TMEM59L: variants seen among roughly 807,000 people sequenced by gnomAD.
TMEM59L encodes the protein transmembrane protein 59 like.
A neutral mutation model predicts 39.6 loss-of-function variants in TMEM59L; 31 were observed. That is an observed-to-expected ratio of 0.78 (90% CI 0.59 to 1.06). The LOEUF (loss-of-function observed/expected upper bound fraction) is 1.06. Ranked by LOEUF, TMEM59L falls within the 50% of genes least tolerant of loss-of-function variation. TMEM59L has a pLI of 0.00. For synonymous variants in TMEM59L, 219 were observed against 202.9 expected (o/e 1.08, Z -0.68); for missense variants, 441 against 451.3 (o/e 0.98, Z 0.21).
chr19:18,616,556 C>A (rs1976430236), intron 4 of TMEM59L, among the ~76,000 whole-genome samples: 1 of 152,136 alleles, frequency 6.6e-6, no homozygotes, highest in Non-Finnish European at 1.5e-5. Context: ...CCACACCCAC[C>A]TAATTTTTGT....
chr19:18,617,232 C>T (rs771201445), intron 5 of TMEM59L, 130 bp downstream of exon 5: 3 of 736,086 alleles, frequency 4.1e-6, no homozygotes, highest in South Asian at 2.9e-5. Flanking sequence ...GCTCATCCCC[C>T]AGGTCTCCAT....
At chr19:18,619,153 C>T (rs1394319621) in intron 7 of TMEM59L, among the ~76,000 whole-genome samples, 8 of 151,794 alleles carry the variant, frequency 5.3e-5, no homozygotes, top group Non-Finnish European at 1.2e-4. Context: ...CACCATGCCC[C>T]GCTAATTTTT....
At chr19:18,620,325 C>T in intron 7 of TMEM59L, 83 bp from the exon 8 acceptor site, 1 of 1,349,610 alleles carries the variant, frequency 7.4e-7, no homozygotes, top group Non-Finnish European at 1.0e-6. Flanking sequence ...ATAAAACAAT[C>T]AGAGGTGGGA....
intron 4 of TMEM59L, 109 bp downstream of exon 4, chr19:18,616,236 G>A: frequency 1.5e-6 from 2 of 1,356,840 alleles, no homozygotes; most frequent in South Asian, 2.7e-5. Context: ...CAGTGGGCGA[G>A]CTTCAGGCAC....
chr19:18,614,044 G>T lies in TMEM59L; in HGVS notation c.316+28G>T, dbSNP rs199747470. ...GAGGGCCCGCCGGCAGGGTGGGCCA[G>T]CGTGGGGAGAGGTGGCCTGGGAAGG... On this transcript the variant is annotated intron_variant, in intron 2 of 7. Coordinates refer to ENST00000262817, the MANE Select transcript of TMEM59L (RefSeq NM_012109.3). 899 of 1,613,052 alleles carry T rather than the reference G, an allele frequency of 5.6e-4. 2 individuals carry two copies. The highest frequency in any genetic ancestry group is 7.8e-4 in the South Asian group (71 of 91,078).
chr19:18,613,189 G>A (rs1252215048), intron 1 of TMEM59L, 60 bp downstream of exon 1: 12 of 1,245,924 alleles, frequency 9.6e-6, no homozygotes, highest in Non-Finnish European at 1.1e-5. Flanking sequence ...GAAGGAGGAG[G>A]CGTTGGGATG....
rs115082996 is a variant in TMEM59L at position 18,620,393 on chromosome 19, C to A, written c.901-15C>A. 1.9e-3 allele frequency: 3,003 copies of A among 1,601,946 alleles called. 57 individuals carry two copies. The African/African-American group carries it at 0.035, about 19-fold the overall frequency. ...CCCCGTCCCTCCACTTCCCTCCTCC[C>A]CTCTCTTCCTGCAGCCTCTGACCCT... On this transcript the variant is annotated splice_polypyrimidine_tract_variant and intron_variant, in intron 7 of 7. Transcript: ENST00000262817.
Position 18,613,997 on chromosome 19 carries a change from C to T in TMEM59L, c.297C>T (p.Thr99=). ...CCAGAAGCTCCAAGCCCAATGCCAC[C>T]CAAACTGAGTGTGAAGCAGGTGAGG... The part of the protein sequence containing the change: ...FVARSSKPNA[T]QTECEAACVE... The change falls in exon 2 of 8, where the codon ACC becomes ACT. Residue 99 remains threonine (T), a synonymous_variant. Coordinates refer to ENST00000262817, the MANE Select transcript of TMEM59L (RefSeq NM_012109.3). 6.2e-7 allele frequency: 1 copy of T among 1,613,410 alleles called. No homozygotes were observed. The highest frequency in any genetic ancestry group is 1.1e-5 in the South Asian group (1 of 91,088).
Position 18,618,173 on chromosome 19 carries a change from A to C in TMEM59L, c.683A>C (p.Asp228Ala), listed in dbSNP as rs1480138172. The C allele has an allele frequency of 6.2e-7, 1 of 1,613,698 alleles. No homozygotes were observed. The highest frequency in any genetic ancestry group is 8.5e-7 in the Non-Finnish European group (1 of 1,179,868). ...CTCTCAGACCCTGTAGGCCCCCTGG[A>C]CAAGGTGAGGAAGGCCAAGATCCGA... is the stretch of plus-strand genomic sequence containing the variant. ...EVHVDPVGPL[D>A]KVRKAKIRVK... The change falls in exon 6 of 8, where the codon GAC (aspartate) becomes GCC (alanine). Residue 228 changes from aspartate (D) to alanine (A), a missense_variant. Coordinates refer to ENST00000262817, the MANE Select transcript of TMEM59L (RefSeq NM_012109.3).
At chr19:18,620,342 C>A in intron 7 of TMEM59L, 66 bp from the exon 8 acceptor site, 1 of 1,443,034 alleles carries the variant, frequency 6.9e-7, no homozygotes, top group Non-Finnish European at 9.4e-7. Context: ...GGGAAGGAGA[C>A]AGTCAGGGTT....
intron 7 of TMEM59L, among the ~76,000 whole-genome samples, chr19:18,619,517 AG>A (rs1235132788): frequency 6.6e-6 from 1 of 152,108 alleles, no homozygotes; most frequent in Non-Finnish European, 1.5e-5. Flanking sequence ...AAAATTAGCT[AG>A]ATGTGGCTGG....
chr19:18,613,494 C>G (rs769966721), intron 1 of TMEM59L, among the ~76,000 whole-genome samples: 13 of 151,704 alleles, frequency 8.6e-5, no homozygotes, highest in Non-Finnish European at 1.8e-4. Context: ...AGCTACCAGC[C>G]CCTACTCATA....
At chr19:18,614,861 T>C (rs1340771535) in intron 3 of TMEM59L, among the ~76,000 whole-genome samples, 5 of 152,262 alleles carry the variant, frequency 3.3e-5, no homozygotes, top group Non-Finnish European at 5.9e-5. Context: ...ACCTAGGGGC[T>C]GGGACTCCCC....
chr19:18,616,128 G>T lies in TMEM59L; in HGVS notation c.561+1G>T. The T allele has an allele frequency of 6.2e-7, 1 of 1,613,848 alleles. No homozygotes were observed. ...CAATGGGAAAGTGGTGGTGTTTCAG[G>T]TGAGACCTCTGACAGGGGCCACGCC... On this transcript the variant is annotated splice_donor_variant, in intron 4 of 7. Transcript: ENST00000262817. LOFTEE classifies it high-confidence loss of function.
rs1399554723 is a variant in TMEM59L at position 18,613,051 on chromosome 19, C to T, written c.93C>T (p.Pro31=). 2 of 1,389,374 alleles carry T rather than the reference C, an allele frequency of 1.4e-6. No individual in the cohort carries two copies. The highest frequency in any genetic ancestry group is 9.3e-7 in the Non-Finnish European group (1 of 1,073,934). 86.1% of individuals were successfully genotyped at this position (1,389,374 alleles called of 1,614,324 possible). Residue 31 remains proline (P), a synonymous_variant, in exon 1 of 8, where the codon CCC becomes CCT. Coordinates refer to ENST00000262817, the MANE Select transcript of TMEM59L (RefSeq NM_012109.3). ...CCTCCGCGCCGTCCGCCCGCGATCC[C>T]TTCGCCCCCCAGCTCGGGGACACGC... ...PAASAPSARD[P]FAPQLGDTQN...
chr19:18,616,201 C>T (rs1976425957), intron 4 of TMEM59L, 74 bp downstream of exon 4: 1 of 1,573,022 alleles, frequency 6.4e-7, no homozygotes, highest in South Asian at 1.1e-5. Context: ...TGCATTGGCT[C>T]TTAGCTCATG....
Position 18,613,103 on chromosome 19 carries a change from C to A in TMEM59L, c.145C>A (p.Arg49Ser). 7.6e-7 allele frequency: 1 copy of A among 1,316,526 alleles called. No individual in the cohort carries two copies. The highest frequency in any genetic ancestry group is 2.1e-5 in the South Asian group (1 of 46,782). 81.6% of individuals were successfully genotyped at this position (1,316,526 alleles called of 1,614,324 possible). The change falls in exon 1 of 8, where the codon CGC (arginine) becomes AGC (serine). Residue 49 changes from arginine (R) to serine (S), a missense_variant. Transcript: ENST00000262817. Reference protein sequence around the residue: ...TQNCQLRCRDRDLGPQPSQAG... With the variant: ...TQNCQLRCRDSDLGPQPSQAG... ...GAACTGCCAGCTGCGGTGCCGCGAC[C>A]GCGACCTCGGCCCGCAGCCCTCGCA... is the stretch of plus-strand genomic sequence containing the variant.
chr19:18,613,779 A>G, intron 1 of TMEM59L, 93 bp from the exon 2 acceptor site: 2 of 983,246 alleles, frequency 2.0e-6, no homozygotes, highest in African/African-American at 1.6e-5. Context: ...GGGAGCGGGG[A>G]AGCCTTTCCC....
chr19:18,615,613 C>CATTTATTT (rs1430374829), intron 3 of TMEM59L, among the ~76,000 whole-genome samples: 1 of 152,094 alleles, frequency 6.6e-6, no homozygotes, highest in Non-Finnish European at 1.5e-5. Flanking sequence ...TTTATTTATT[C>CATTTATTT]ATTTATTTAT....
Sources: gnomAD v4.1 joint callset for allele counts (sites outside exome capture counted in the v4.1 genomes callset) on GRCh38, gnomAD v4.1.1 for gene constraint, MANE v1.5 for transcripts, NCBI Gene and HGNC (gene_info 2026-07-23, HGNC 2026-07-21) for gene names.